The following CFAP91 variants were observed in gnomAD, a reference collection of about 807,000 sequenced individuals.
CFAP91 encodes the protein cilia and flagella associated protein 91.
In CFAP91, 85 loss-of-function variants were observed where a neutral mutation model predicts 95.9. That is an observed-to-expected ratio of 0.89 (90% CI 0.74 to 1.06). The LOEUF is 1.06. Ranked by LOEUF, CFAP91 falls within the 50% of genes least tolerant of loss-of-function variation. The pLI is 0.00. For missense variants in CFAP91, 962 were observed against 943.4 expected, an observed-to-expected ratio of 1.02 and a Z score of -0.26; for synonymous variants, 335 against 327.5, an observed-to-expected ratio of 1.02 and a Z score of -0.25.
chr3:119,738,332 C>CTTTT (rs556125660), intron 11 of CFAP91, among the ~76,000 whole-genome samples: 586 of 23,048 alleles, frequency 0.025, 200 homozygotes, highest in Non-Finnish European at 0.026. Context: ...GACATATTGT[C>CTTTT]TTTTTTTTTT....
intron 2 of CFAP91, 144 bp downstream of exon 2, chr3:119,707,029 C>T: frequency 1.5e-6 from 1 of 659,644 alleles, no homozygotes; most frequent in Non-Finnish European, 2.7e-6. Flanking sequence ...TACTGGAGGG[C>T]AAAGCATCTT....
At position 119,741,482 on chromosome 3, in the gene CFAP91, T is replaced by C. The variant is rs947851854; in HGVS notation, c.1680+787T>C. On this transcript the variant is annotated intron_variant, in intron 13 of 17. Coordinates refer to ENST00000273390, the MANE Select transcript of CFAP91 (RefSeq NM_033364.4). The stretch of plus-strand genomic sequence containing the variant: ...ACTGTTTCATGATATGTGGTGACTT[T>C]CGTCATGACCTCCCAGCTGTGTGCC... Among the ~76,000 whole-genome samples, 3 of 152,364 alleles carry C rather than the reference T, an allele frequency of 2.0e-5. No homozygotes were observed. The South Asian group carries it at 6.2e-4, about 32-fold the overall frequency.
rs75262697 is a variant in CFAP91 at position 119,744,719 on chromosome 3, C to G, written c.1902+523C>G. ...GGAATCAGGAAATCAGTTTATATTTCGTTTGGGACATCTAAGCAGAGGTAT... is the reference window on the plus strand; with the variant it reads ...GGAATCAGGAAATCAGTTTATATTTGGTTTGGGACATCTAAGCAGAGGTAT... On this transcript the variant is annotated intron_variant, in intron 14 of 17. Transcript: ENST00000273390. Among the ~76,000 whole-genome samples the G allele has an allele frequency of 5.9e-3, 899 of 152,192 alleles. 9 individuals carry two copies. The highest frequency in any genetic ancestry group is 0.02 in the African/African-American group (839 of 41,526).
intron 12 of CFAP91, among the ~76,000 whole-genome samples, chr3:119,739,844 C>G (rs1286527974): frequency 6.6e-6 from 1 of 151,940 alleles, no homozygotes; most frequent in Non-Finnish European, 1.5e-5. Flanking sequence ...TTTTCCTATC[C>G]ATAATCTCAT....
intron 8 of CFAP91, among the ~76,000 whole-genome samples, chr3:119,730,818 T>C (rs1162129377): frequency 6.6e-6 from 1 of 152,154 alleles, no homozygotes; most frequent in African/African-American, 2.4e-5. Flanking sequence ...CATATATATG[T>C]TTATGTACTA....
chr3:119,735,869 GAAC>G (rs964778225), intron 10 of CFAP91, among the ~76,000 whole-genome samples: 5 of 151,930 alleles, frequency 3.3e-5, no homozygotes, highest in African/African-American at 7.3e-5. Context: ...TTAAAAATAA[GAAC>G]AACAATATAT....
chr3:119,735,083 A>G (rs943837139), intron 10 of CFAP91, among the ~76,000 whole-genome samples: 5 of 151,734 alleles, frequency 3.3e-5, no homozygotes, highest in African/African-American at 2.4e-5. Flanking sequence ...TGTTTGTTTT[A>G]TCTTATTCAT....
chr3:119,726,108 T>G (rs1021950509), intron 6 of CFAP91, 63 bp from the exon 7 acceptor site: 25 of 1,410,074 alleles, frequency 1.8e-5, no homozygotes, highest in Non-Finnish European at 2.4e-5. Flanking sequence ...GGGAGTTAAT[T>G]ATATACTGGG....
chr3:119,726,305 A>G lies in CFAP91; in HGVS notation c.817A>G (p.Met273Val). The stretch of plus-strand genomic sequence containing the variant: ...GAAGAGGAGGAAAATGATGAATGAA[A>G]TGGAGAGGAAGGAGTGGGCCTTCAG... Reference protein sequence around the residue: ...FEKRRKMMNEMERKEWAFREQ... With the variant: ...FEKRRKMMNEVERKEWAFREQ... Residue 273 changes from methionine to valine, a missense_variant, in exon 7 of 18, where the codon ATG becomes GTG. Physicochemically the swap from Met to Val is conservative, Grantham distance 21 (BLOSUM62 1). Coordinates refer to ENST00000273390, the MANE Select transcript of CFAP91 (RefSeq NM_033364.4). 6.2e-7 allele frequency: 1 copy of G among 1,613,778 alleles called. No individual in the cohort carries two copies. Among genetic ancestry groups the G allele is most frequent in the Non-Finnish European group, 8.5e-7 (1 of 1,179,884 alleles).
In CFAP91 at chr3:119,706,895, A is replaced by C; in HGVS notation, c.201+10A>C. On this transcript the variant is annotated intron_variant, in intron 2 of 17. Coordinates refer to ENST00000273390, the MANE Select transcript of CFAP91 (RefSeq NM_033364.4). ...GATTCGCAGCAGACTGGTATGTCTA[A>C]TTCATCAGCCAAGGCTACCTGATGA... 6.2e-7 allele frequency: 1 copy of C among 1,607,116 alleles called. No homozygotes were observed. Among genetic ancestry groups the C allele is most frequent in the Non-Finnish European group, 8.5e-7 (1 of 1,175,052 alleles).
intron 15 of CFAP91, 176 bp from the exon 16 acceptor site, chr3:119,747,635 C>G: frequency 1.6e-6 from 1 of 623,704 alleles, no homozygotes; most frequent in Non-Finnish European, 2.7e-6. Flanking sequence ...GGGTCAAATC[C>G]AAATTTTTTT....
At chr3:119,753,873 A>G (rs548942276) in intron 17 of CFAP91, among the ~76,000 whole-genome samples, 3 of 152,228 alleles carry the variant, frequency 2.0e-5, no homozygotes, top group African/African-American at 7.2e-5. Context: ...TTGTGATTAG[A>G]CACAGTCTTT....
chr3:119,730,381 A>G lies in CFAP91; in HGVS notation c.1018+4A>G, dbSNP rs1559757048. On this transcript the variant is annotated splice_donor_region_variant and intron_variant, in intron 8 of 17. Transcript: ENST00000273390. ...ATTCAGCGCACGCATGTATCAAGTAATGGTGTAGTATGAACAATGAAGACG... is the reference window on the plus strand; with the variant it reads ...ATTCAGCGCACGCATGTATCAAGTAGTGGTGTAGTATGAACAATGAAGACG... 4 of 1,612,718 alleles carry G rather than the reference A, an allele frequency of 2.5e-6. No homozygotes were observed. The South Asian group carries it at 3.3e-5, about 13-fold the overall frequency.
At chr3:119,731,652 G>A (rs957646394) in intron 8 of CFAP91, among the ~76,000 whole-genome samples, 2 of 152,172 alleles carry the variant, frequency 1.3e-5, no homozygotes, top group South Asian at 2.1e-4. Flanking sequence ...ATGACGTCAC[G>A]ATCTTGTATA....
chr3:119,739,348 C>T lies in CFAP91; in HGVS notation c.1533+22C>T, dbSNP rs752585423. 1.2e-5 allele frequency: 19 copies of T among 1,607,978 alleles called. No individual in the cohort carries two copies. In the East Asian group the frequency reaches 3.1e-4, roughly 26 times the overall value. On this transcript the variant is annotated intron_variant, in intron 12 of 17. Coordinates refer to ENST00000273390, the MANE Select transcript of CFAP91 (RefSeq NM_033364.4). ...CATGGTGTGTAGGTCCAACCGCTGG[C>T]CCTGCATTTCTCTTTTGAGAATAAA...
chr3:119,755,773 T>A (rs907233405), intron 17 of CFAP91, among the ~76,000 whole-genome samples: 1 of 152,114 alleles, frequency 6.6e-6, no homozygotes, highest in African/African-American at 2.4e-5. Context: ...CTGGACATAA[T>A]AAAAATGATA....
intron 10 of CFAP91, among the ~76,000 whole-genome samples, chr3:119,734,079 T>C (rs2053954250): frequency 6.6e-6 from 1 of 152,184 alleles, no homozygotes; most frequent in Non-Finnish European, 1.5e-5. Flanking sequence ...GAGGACTTGT[T>C]AAGACACATG....
In CFAP91 at chr3:119,703,051, A is replaced by C. The variant is rs780663674; in HGVS notation, c.-48A>C. 5.9e-5 allele frequency: 91 copies of C among 1,543,848 alleles called. No homozygotes were observed. The highest frequency in any genetic ancestry group is 1.9e-4 in the South Asian group (16 of 83,402). Reference sequence around the variant, plus strand: ...CCATAGCGACGTGCACGCAGTAGCCAGGCCTGACCCGCTGGTCCCTTGCTG... The same window carrying C: ...CCATAGCGACGTGCACGCAGTAGCCCGGCCTGACCCGCTGGTCCCTTGCTG... On this transcript the variant is annotated 5_prime_UTR_variant, in exon 1 of 18. Coordinates refer to ENST00000273390, the MANE Select transcript of CFAP91 (RefSeq NM_033364.4).
intron 5 of CFAP91, among the ~76,000 whole-genome samples, chr3:119,713,584 C>A (rs1195115897): frequency 6.6e-6 from 1 of 151,676 alleles, no homozygotes; most frequent in Non-Finnish European, 1.5e-5. Context: ...AAAAAAATGC[C>A]TTAAGTCAAA....
Sources: allele counts gnomAD v4.1 joint callset (sites outside exome capture counted in the v4.1 genomes callset), GRCh38; gene constraint gnomAD v4.1.1; transcripts MANE v1.5; gene names NCBI Gene and HGNC (gene_info 2026-07-23, HGNC 2026-07-21).